The following PPFIBP1 variants were observed in gnomAD, a reference collection of about 807,000 sequenced individuals.
PPFIBP1 encodes PPFIB scaffold protein 1.
PPFIBP1 carries 112 observed loss-of-function variants against 137.8 expected under a neutral mutation model. That is an observed-to-expected ratio of 0.81 (90% CI 0.70 to 0.95). The LOEUF is 0.95. Among genes scored for constraint, PPFIBP1 ranks in the 40% least tolerant of loss-of-function variants. PPFIBP1 has a pLI of 0.00. For missense variants in PPFIBP1, 1,083 were observed against 1,196.6 expected (o/e 0.91, Z 1.40); for synonymous variants, 378 against 417.3 (o/e 0.91, Z 1.15).
chr12:27,601,562 GTC>G (rs1463305269), intron 2 of PPFIBP1, among the ~76,000 whole-genome samples: 5 of 152,204 alleles, frequency 3.3e-5, no homozygotes. Flanking sequence ...TTTTATGACA[GTC>G]TCTGAGTTAT....
chr12:27,587,677 T>C (rs1387939652), intron 2 of PPFIBP1, among the ~76,000 whole-genome samples: 5 of 148,218 alleles, frequency 3.4e-5, no homozygotes, highest in Non-Finnish European at 7.5e-5. Context: ...ACAGATTTAA[T>C]ACTTTAATAG....
At chr12:27,605,990 G>C (rs1477299618) in intron 2 of PPFIBP1, among the ~76,000 whole-genome samples, 1 of 152,054 alleles carries the variant, frequency 6.6e-6, no homozygotes, top group Non-Finnish European at 1.5e-5. Flanking sequence ...ACTTCATGGG[G>C]GTGTGGGTGT....
intron 2 of PPFIBP1, chr12:27,584,407 G>T (rs1170744870): frequency 1.3e-5 from 2 of 152,254 alleles, no homozygotes; most frequent in African/African-American, 4.8e-5. Context: ...GGAAAGTGGA[G>T]CATCGTCTTG....
At chr12:27,639,548 G>A (rs1256178529) in intron 4 of PPFIBP1, among the ~76,000 whole-genome samples, 2 of 152,032 alleles carry the variant, frequency 1.3e-5, no homozygotes, top group Non-Finnish European at 2.9e-5. Context: ...TTAATTATGA[G>A]GCCATCTCAA....
At chr12:27,551,889 C>G (rs1267639344) in intron 1 of PPFIBP1, among the ~76,000 whole-genome samples, 2 of 152,166 alleles carry the variant, frequency 1.3e-5, no homozygotes, top group African/African-American at 4.8e-5. Flanking sequence ...GACTGTGGTT[C>G]ATAAGGAGAC....
chr12:27,611,785 G>GCTCT lies in PPFIBP1; in HGVS notation c.-35-21547_-35-21544dup, dbSNP rs10549025. ...GTATTGGTTCTGCAGTCAACACTGT[G>GCTCT]CTCTCTCTCTCTCTCTCTCTCTCTC... On this transcript the variant is annotated intron_variant, in intron 2 of 29. Transcript: ENST00000228425. 1.7e-3 allele frequency among the ~76,000 whole-genome samples: 238 copies of GCTCT among 138,130 alleles called. 1 individual carries two copies. Among genetic ancestry groups the GCTCT allele is most frequent in the African/African-American group, 6.0e-3 (211 of 35,430 alleles). 90.6% of individuals were successfully genotyped at this position (138,130 alleles called of 152,430 possible). A position where few individuals can be genotyped will look rare whatever the true frequency, so the allele number is the denominator to read the frequency against.
chr12:27,551,794 G>A (rs1946805263), intron 1 of PPFIBP1, among the ~76,000 whole-genome samples: 1 of 152,228 alleles, frequency 6.6e-6, no homozygotes, highest in Admixed American at 6.5e-5. Context: ...AGGATGTGAA[G>A]ATTGTGTGTC....
intron 10 of PPFIBP1, among the ~76,000 whole-genome samples, chr12:27,660,155 G>A (rs760172953): frequency 1.3e-5 from 2 of 152,090 alleles, no homozygotes; most frequent in African/African-American, 4.8e-5. Flanking sequence ...GCCTCCCAAA[G>A]TGCTGGGATT....
intron 4 of PPFIBP1, among the ~76,000 whole-genome samples, chr12:27,644,531 C>T (rs2058342181): frequency 6.6e-6 from 1 of 152,052 alleles, no homozygotes; most frequent in African/African-American, 2.4e-5. Flanking sequence ...TCTACAGGGC[C>T]TGTCTTGGCA....
At position 27,689,078 on chromosome 12, in the gene PPFIBP1, A is replaced by T. The variant is rs763691489; in HGVS notation, c.2560A>T (p.Thr854Ser). ...AQLLNIPPNKTLLRRHLATHF... is the reference protein window; with the variant it reads ...AQLLNIPPNKSLLRRHLATHF... ...GTTATTGAACATCCCACCCAATAAGACTTTGCTGCGAAGACATTTGGCCAC... is the reference window on the plus strand; with the variant it reads ...GTTATTGAACATCCCACCCAATAAGTCTTTGCTGCGAAGACATTTGGCCAC... The change falls in exon 27 of 30, where the codon ACT becomes TCT. Residue 854 changes from threonine to serine, a missense_variant. Physicochemically the swap from Thr to Ser is moderately conservative, Grantham distance 58. Transcript: ENST00000228425. 12 of 1,613,800 alleles carry T rather than the reference A, an allele frequency of 7.4e-6. No homozygotes were observed. The South Asian group carries it at 1.3e-4, about 18-fold the overall frequency.
chr12:27,681,487 T>C (rs1335094371), intron 21 of PPFIBP1, 59 bp from the exon 22 acceptor site: 11 of 1,561,238 alleles, frequency 7.0e-6, no homozygotes, highest in Non-Finnish European at 9.7e-6. Flanking sequence ...TTAAAACTAA[T>C]GATAAGCCAC....
Position 27,627,790 on chromosome 12 carries a change from C to T in PPFIBP1, c.-35-5572C>T, listed in dbSNP as rs373696977. 3.4e-4 allele frequency among the ~76,000 whole-genome samples: 51 copies of T among 151,938 alleles called. 1 individual carries two copies. The highest frequency in any genetic ancestry group is 1.2e-3 in the African/African-American group (48 of 41,494). The stretch of plus-strand genomic sequence containing the variant: ...GGGTCCTGACCAAACTTGAAATATA[C>T]CCTGAACATATTTCTGTTGGTTACC... On this transcript the variant is annotated intron_variant, in intron 2 of 29. Coordinates refer to ENST00000228425, the MANE Select transcript of PPFIBP1 (RefSeq NM_003622.4).
At chr12:27,593,828 T>G in intron 2 of PPFIBP1, 1 of 1,315,852 alleles carries the variant, frequency 7.6e-7, no homozygotes, top group Non-Finnish European at 1.0e-6. Flanking sequence ...GTATTGTCTC[T>G]TCATGTGTTT....
chr12:27,681,037 G>A (rs982888027), intron 21 of PPFIBP1, among the ~76,000 whole-genome samples: 8 of 151,874 alleles, frequency 5.3e-5, no homozygotes, highest in African/African-American at 9.7e-5. Context: ...CCCCCACCCC[G>A]GAACAAGAAC....
chr12:27,682,846 A>G, intron 24 of PPFIBP1, 143 bp downstream of exon 24: 3 of 1,366,944 alleles, frequency 2.2e-6, no homozygotes, highest in Non-Finnish European at 3.0e-6. Context: ...AGTGGCAGGC[A>G]TATTTCCCAT....
At chr12:27,607,603 A>G (rs1365863476) in intron 2 of PPFIBP1, among the ~76,000 whole-genome samples, 1 of 152,086 alleles carries the variant, frequency 6.6e-6, no homozygotes, top group East Asian at 1.9e-4. Context: ...GAGAATTTGC[A>G]TTTTTCTGAC....
At chr12:27,563,093 GT>G (rs1253312700) in intron 1 of PPFIBP1, among the ~76,000 whole-genome samples, 1 of 151,214 alleles carries the variant, frequency 6.6e-6, no homozygotes. Context: ...GTTGGGGATA[GT>G]TTTTTGAATG....
At chr12:27,625,474 C>T (rs548150035) in intron 2 of PPFIBP1, among the ~76,000 whole-genome samples, 5 of 151,786 alleles carry the variant, frequency 3.3e-5, no homozygotes, top group African/African-American at 7.3e-5. Flanking sequence ...AGTATAATAG[C>T]ATTATTAATA....
intron 2 of PPFIBP1, among the ~76,000 whole-genome samples, chr12:27,592,013 C>T (rs1252273971): frequency 6.6e-6 from 1 of 152,178 alleles, no homozygotes; most frequent in African/African-American, 2.4e-5. Context: ...GAGTAAAATA[C>T]AGTAAGAATG....
Sources: gnomAD v4.1 joint callset for allele counts (sites outside exome capture counted in the v4.1 genomes callset) on GRCh38, gnomAD v4.1.1 for gene constraint, MANE v1.5 for transcripts, NCBI Gene and HGNC (gene_info 2026-07-23, HGNC 2026-07-21) for gene names.